FAAH2: variants seen among roughly 807,000 people sequenced by gnomAD.
FAAH2 encodes fatty-acid amide hydrolase 2.
Under a neutral mutation model 36.9 loss-of-function variants are expected in FAAH2, and 60 were observed. The observed-to-expected ratio is 1.63, with a 90% CI of 1.32 to 2.02. The LOEUF (loss-of-function observed/expected upper bound fraction) is 2.02, where lower values mean the gene tolerates loss of function less well. Among genes scored for constraint, FAAH2 ranks in the 30% most tolerant of loss-of-function variants. The probability of loss-of-function intolerance (pLI) is 0.00; values close to 1 mark genes in which losing one functional copy is unlikely to be tolerated. For missense variants in FAAH2, 689 were observed against 397.5 expected, an observed-to-expected ratio of 1.73 and a Z score of -6.23; for synonymous variants, 214 against 143.8, an observed-to-expected ratio of 1.49 and a Z score of -3.49.
chrX:57,476,241 G>A (rs1371987454), intron 10 of FAAH2, among the ~76,000 whole-genome samples: 3 of 111,168 alleles, frequency 2.7e-5, no homozygotes, highest in Non-Finnish European at 3.8e-5. Flanking sequence ...GTGTTGAATA[G>A]GAGTGGTGAG....
At chrX:57,216,532 A>G in the FAAH2 span, among the ~76,000 whole-genome samples, 303 of 67,872 alleles carry the variant, frequency 4.5e-3, 27 homozygotes, top group African/African-American at 0.022. Flanking sequence ...ATATGTATAT[A>G]TATATATATA....
At chrX:57,213,038 A>T in the FAAH2 span, among the ~76,000 whole-genome samples, 2 of 111,262 alleles carry the variant, frequency 1.8e-5, no homozygotes, top group Non-Finnish European at 3.8e-5. Flanking sequence ...TCTATTCAGG[A>T]TTTCTTTCTG....
the FAAH2 span, among the ~76,000 whole-genome samples, chrX:57,241,738 T>G: frequency 4.5e-5 from 5 of 111,727 alleles, no homozygotes; most frequent in African/African-American, 1.6e-4. Flanking sequence ...TATATCATTC[T>G]TATGCCTTTG....
chrX:57,475,073 C>T (rs953954087), intron 10 of FAAH2, among the ~76,000 whole-genome samples: 1 of 111,617 alleles, frequency 9.0e-6, no homozygotes, highest in African/African-American at 3.3e-5. Context: ...AATTTAAATT[C>T]CCTGTAGATT....
At chrX:57,345,662 G>A (rs2053802911) in intron 5 of FAAH2, among the ~76,000 whole-genome samples, 1 of 111,017 alleles carries the variant, frequency 9.0e-6, no homozygotes, top group African/African-American at 3.3e-5. Context: ...ATTTTCTACT[G>A]CAAGCTTTGA....
the FAAH2 span, among the ~76,000 whole-genome samples, chrX:57,208,430 A>G: frequency 1.8e-5 from 2 of 111,799 alleles, no homozygotes; most frequent in African/African-American, 6.5e-5. Flanking sequence ...CTTCTTACTC[A>G]CCACAGGTAT....
intron 8 of FAAH2, among the ~76,000 whole-genome samples, chrX:57,439,886 A>G (rs1403969326): frequency 9.0e-6 from 1 of 111,440 alleles, no homozygotes; most frequent in African/African-American, 3.3e-5. Context: ...TGTTTTTGTC[A>G]GGTTTGTCAA....
intron 10 of FAAH2, among the ~76,000 whole-genome samples, chrX:57,467,022 GT>G (rs1486455426): frequency 9.0e-6 from 1 of 111,016 alleles, no homozygotes; most frequent in African/African-American, 3.3e-5. Context: ...TGCTGCTGTT[GT>G]TTTTGTTGCT....
intron 2 of FAAH2, among the ~76,000 whole-genome samples, chrX:57,292,915 TAGG>T: frequency 8.9e-6 from 1 of 111,741 alleles, no homozygotes; most frequent in East Asian, 2.8e-4. Flanking sequence ...GTGACTCTAA[TAGG>T]AGAACCCCCC....
chrX:57,352,148 GCACATATATATA>G (rs1218824121), intron 5 of FAAH2, among the ~76,000 whole-genome samples: 2 of 73,005 alleles, frequency 2.7e-5, no homozygotes, highest in Admixed American at 3.4e-4. Flanking sequence ...GTATATATAT[GCACATATATATA>G]CACATATATA....
chrX:57,397,850 C>T (rs1255045840), intron 7 of FAAH2, among the ~76,000 whole-genome samples: 7 of 109,204 alleles, frequency 6.4e-5, no homozygotes, highest in Non-Finnish European at 5.7e-5. Flanking sequence ...CTATCCCTCC[C>T]CCTTCCCCCC....
At chrX:57,151,554 G>T in the FAAH2 span, among the ~76,000 whole-genome samples, 1 of 111,461 alleles carries the variant, frequency 9.0e-6, no homozygotes, top group Non-Finnish European at 1.9e-5. Flanking sequence ...GATCGCATCG[G>T]CTCCTGAGTC....
chrX:57,159,199 A>C, the FAAH2 span, among the ~76,000 whole-genome samples: 1 of 111,277 alleles, frequency 9.0e-6, no homozygotes, highest in African/African-American at 3.3e-5. Context: ...ATTTGTCTAT[A>C]TCTCTGTTTT....
At chrX:57,344,475 G>A (rs1250720192) in intron 5 of FAAH2, among the ~76,000 whole-genome samples, 5 of 111,498 alleles carry the variant, frequency 4.5e-5, no homozygotes, top group African/African-American at 1.6e-4. Context: ...CTTTACTAAA[G>A]TCATTTATCA....
chrX:57,305,450 C>A (rs979192386), intron 2 of FAAH2, among the ~76,000 whole-genome samples: 2 of 111,250 alleles, frequency 1.8e-5, no homozygotes, highest in African/African-American at 3.3e-5. Context: ...CTCTAAATAA[C>A]TCTACTTTTC....
the FAAH2 span, among the ~76,000 whole-genome samples, chrX:57,168,151 C>CT: frequency 9.0e-6 from 1 of 110,985 alleles, no homozygotes; most frequent in Non-Finnish European, 1.9e-5. Flanking sequence ...TATTTACTTG[C>CT]TTTTTTTAAT....
chrX:57,234,412 A>G, the FAAH2 span, among the ~76,000 whole-genome samples: 23 of 111,870 alleles, frequency 2.1e-4, no homozygotes, highest in South Asian at 8.5e-3. Context: ...TTAACTTTAA[A>G]TGTAAATAAG....
chrX:57,275,841 G>A, the FAAH2 span, among the ~76,000 whole-genome samples: 4 of 111,770 alleles, frequency 3.6e-5, no homozygotes, highest in Non-Finnish European at 7.5e-5. Context: ...ATTACATAAT[G>A]GTAAAGGGAT....
chrX:57,140,618 A>G, the FAAH2 span, among the ~76,000 whole-genome samples: 2 of 100,917 alleles, frequency 2.0e-5, no homozygotes. Flanking sequence ...AAAAAAAAAA[A>G]GTGGTAAAAG....
Sources: allele counts gnomAD v4.1 joint callset (sites outside exome capture counted in the v4.1 genomes callset), GRCh38; gene constraint gnomAD v4.1.1; transcripts MANE v1.5; gene names NCBI Gene and HGNC (gene_info 2026-07-23, HGNC 2026-07-21).